The following EPG5 variants were observed in gnomAD, a reference collection of about 807,000 sequenced individuals.
The protein encoded by EPG5 is ectopic P-granules 5 autophagy tethering factor, also known as ectopic P granules protein 5 homolog.
Under a neutral mutation model 302.7 loss-of-function variants are expected in EPG5, and 159 were observed. The observed-to-expected ratio is 0.53, with a 90% CI of 0.46 to 0.60. EPG5 has a LOEUF of 0.60. EPG5 is among the 20% of genes least tolerant of loss of function. The pLI is 0.00. For missense variants in EPG5, 2,896 were observed against 3,092.4 expected (o/e 0.94, Z 1.51); for synonymous variants, 1,158 against 1,136.8 (o/e 1.02, Z -0.37).
chr18:45,824,096 G>A, the EPG5 span, among the ~76,000 whole-genome samples: 5 of 152,254 alleles, frequency 3.3e-5, no homozygotes, highest in African/African-American at 1.2e-4. Context: ...AAGATGGCTT[G>A]GGAACTGTGG....
chr18:45,846,080 C>A (rs2048360815), downstream of EPG5, among the ~76,000 whole-genome samples: 1 of 152,160 alleles, frequency 6.6e-6, no homozygotes, highest in South Asian at 2.1e-4. Context: ...CCACCAGTCA[C>A]AGAAGCCTCA....
the EPG5 span, among the ~76,000 whole-genome samples, chr18:45,830,312 C>G: frequency 1.3e-5 from 2 of 152,240 alleles, no homozygotes; most frequent in Non-Finnish European, 2.9e-5. Context: ...TCTGCCTACC[C>G]TGGCAACACA....
the EPG5 span, among the ~76,000 whole-genome samples, chr18:45,836,466 C>T: frequency 1.3e-5 from 2 of 152,090 alleles, no homozygotes; most frequent in Admixed American, 1.3e-4. Context: ...CCACCCCTGG[C>T]CTTATCCTCT....
intron 24 of EPG5, among the ~76,000 whole-genome samples, chr18:45,904,965 T>C (rs2049710936): frequency 6.6e-6 from 1 of 152,068 alleles, no homozygotes; most frequent in South Asian, 2.1e-4. Context: ...ACACATGGCA[T>C]ATGTGGGGAG....
At chr18:45,915,725 G>T in intron 19 of EPG5, 104 bp from the exon 20 acceptor site, 1 of 870,376 alleles carries the variant, frequency 1.1e-6, no homozygotes, top group Non-Finnish European at 1.8e-6. Context: ...ACAAGATTCT[G>T]ATAAGACAGA....
At chr18:45,903,020 C>T (rs543924451) in intron 25 of EPG5, among the ~76,000 whole-genome samples, 5 of 152,214 alleles carry the variant, frequency 3.3e-5, no homozygotes, top group Admixed American at 1.3e-4. Flanking sequence ...GAAAACAATT[C>T]GTATTTTAGG....
At position 45,852,610 on chromosome 18, in the gene EPG5, A is replaced by C; in HGVS notation, c.7597T>G (p.Tyr2533Asp). 1 of 1,614,188 alleles carries C rather than the reference A, an allele frequency of 6.2e-7. No individual in the cohort carries two copies. The highest frequency in any genetic ancestry group is 8.5e-7 in the Non-Finnish European group (1 of 1,180,034). The change falls in exon 44 of 44, where the codon TAT becomes GAT. Residue 2533 changes from tyrosine (Y) to aspartate (D), a missense_variant. Around this residue, in one of 5 missense-constraint regions of EPG5, gnomAD observed 620 missense variants for 704.2 expected, o/e 0.88. Coordinates refer to ENST00000282041, the MANE Select transcript of EPG5 (RefSeq NM_020964.3). ...ALESMASSKQYVEYQDQILQA... is the reference protein window; with the variant it reads ...ALESMASSKQDVEYQDQILQA... ...AATATTTGATCCTGGTATTCAACAT[A>C]CTGCTTACTTGATGCCATGGATTCA...
At chr18:45,800,864 C>G in the EPG5 span, among the ~76,000 whole-genome samples, 1 of 152,284 alleles carries the variant, frequency 6.6e-6, no homozygotes, top group Admixed American at 6.5e-5. Context: ...TTAGGGCAAG[C>G]CTCTTAAAAG....
intron 4 of EPG5, among the ~76,000 whole-genome samples, chr18:45,950,620 C>T (rs1439427288): frequency 2.0e-5 from 3 of 152,194 alleles, no homozygotes; most frequent in African/African-American, 4.8e-5. Context: ...AGGACTAATA[C>T]ATTTGGGGCT....
the EPG5 span, chr18:45,837,469 C>G: frequency 7.0e-7 from 1 of 1,430,296 alleles, no homozygotes; most frequent in Non-Finnish European, 9.1e-7. Flanking sequence ...GCGGGCGCCT[C>G]GACCCCAGGG....
chr18:45,807,594 T>G, the EPG5 span, among the ~76,000 whole-genome samples: 3 of 152,260 alleles, frequency 2.0e-5, no homozygotes, highest in Middle Eastern at 3.4e-3. Context: ...CAGAGCCTGG[T>G]AGACTTACTG....
chr18:45,946,783 T>C lies in EPG5; in HGVS notation c.1572-15A>G, dbSNP rs771484284. ...CAGCTCGATTTCTAAAGGACAAGAA[T>C]AATCACTCCCATCACTTAGATGTAG... is the stretch of plus-strand genomic sequence containing the variant. On this transcript the variant is annotated splice_polypyrimidine_tract_variant and intron_variant, in intron 6 of 43. Transcript: ENST00000282041. 6.2e-7 allele frequency: 1 copy of C among 1,607,478 alleles called. No homozygotes were observed. The highest frequency in any genetic ancestry group is 8.5e-7 in the Non-Finnish European group (1 of 1,173,942).
At chr18:45,825,794 ACTCT>A in the EPG5 span, 2 of 1,613,904 alleles carry the variant, frequency 1.2e-6, no homozygotes, top group Non-Finnish European at 1.7e-6. Context: ...AGTGTCTGCT[ACTCT>A]CTCTGGCCCA....
rs1599580570 is a variant in EPG5 at position 45,923,355 on chromosome 18, A to G, written c.2751T>C (p.Ala917=). 1.2e-6 allele frequency: 2 copies of G among 1,614,014 alleles called. No homozygotes were observed. Among genetic ancestry groups the G allele is most frequent in the African/African-American group, 1.3e-5 (1 of 75,074 alleles). ...ATLHLDQAVH[A]EVALMVLEAY... The stretch of plus-strand genomic sequence containing the variant: ...CTTCAAGAACCATTAAAGCCACTTC[A>G]GCATGGACTGCTTGATCCAGATGAA... Residue 917 remains alanine, a synonymous_variant, in exon 15 of 44, where the codon GCT becomes GCC. Transcript: ENST00000282041.
At chr18:45,922,027 TG>T (rs1396434069) in intron 16 of EPG5, among the ~76,000 whole-genome samples, 1 of 149,792 alleles carries the variant, frequency 6.7e-6, no homozygotes, top group Non-Finnish European at 1.5e-5. Flanking sequence ...TTACTACAGG[TG>T]ATCAATTATT....
chr18:45,951,554 G>A (rs941923895), intron 3 of EPG5, among the ~76,000 whole-genome samples: 1 of 151,470 alleles, frequency 6.6e-6, no homozygotes, highest in Non-Finnish European at 1.5e-5. Flanking sequence ...CGCTTCCTGC[G>A]TTCATGCCAT....
chr18:45,820,365 C>A, the EPG5 span, among the ~76,000 whole-genome samples: 1 of 152,198 alleles, frequency 6.6e-6, no homozygotes, highest in African/African-American at 2.4e-5. Context: ...TGCTCTCTGG[C>A]AGCCTCTAGG....
At chr18:45,903,408 G>A (rs910795410) in intron 25 of EPG5, among the ~76,000 whole-genome samples, 1 of 152,154 alleles carries the variant, frequency 6.6e-6, no homozygotes. Context: ...CAACTAACGC[G>A]TTTTGGTTAG....
chr18:45,870,788 TAAAAAA>T, intron 35 of EPG5, 46 bp from the exon 36 acceptor site: 1 of 964,556 alleles, frequency 1.0e-6, no homozygotes, highest in Non-Finnish European at 1.4e-6. Flanking sequence ...TGGTTTACCT[TAAAAAA>T]AAAAAAAAAA....
Sources: gnomAD v4.1 joint callset for allele counts (sites outside exome capture counted in the v4.1 genomes callset) on GRCh38, gnomAD v4.1.1 for gene constraint, gnomAD v4.1.1 regional missense constraint, MANE v1.5 for transcripts, NCBI Gene and HGNC (gene_info 2026-07-23, HGNC 2026-07-21) for gene names.